The following ODAD2 variants were observed in gnomAD, a reference collection of about 807,000 sequenced individuals.
ODAD2 encodes outer dynein arm docking complex subunit 2.
In ODAD2, 89 loss-of-function variants were observed where a neutral mutation model predicts 106.8. The observed-to-expected ratio is 0.83, with a 90% CI of 0.70 to 0.99. The LOEUF (loss-of-function observed/expected upper bound fraction) is 0.99. ODAD2 is among the 50% of genes least tolerant of loss of function. The pLI is 0.00. For missense variants in ODAD2, 1,168 were observed against 1,238.5 expected (o/e 0.94, Z 0.85); for synonymous variants, 404 against 436.2 (o/e 0.93, Z 0.92).
At chr10:27,829,175 C>T (rs1001477933) in intron 19 of ODAD2, among the ~76,000 whole-genome samples, 8 of 152,010 alleles carry the variant, frequency 5.3e-5, no homozygotes, top group Non-Finnish European at 8.8e-5. Flanking sequence ...TTTGGTTCAG[C>T]GTTCAAAAGC....
chr10:27,866,790 C>A (rs929716530), intron 17 of ODAD2, among the ~76,000 whole-genome samples: 2 of 152,042 alleles, frequency 1.3e-5, no homozygotes, highest in Non-Finnish European at 2.9e-5. Flanking sequence ...TCACTCATTA[C>A]AAAGCTGGCA....
intron 3 of ODAD2, among the ~76,000 whole-genome samples, chr10:27,985,837 T>G (rs1423595552): frequency 1.3e-5 from 2 of 151,286 alleles, no homozygotes; most frequent in African/African-American, 2.4e-5. Context: ...CAAATACCAA[T>G]TCATTATCAA....
intron 16 of ODAD2, among the ~76,000 whole-genome samples, chr10:27,934,017 A>G (rs947315841): frequency 3.3e-5 from 5 of 152,174 alleles, no homozygotes; most frequent in African/African-American, 1.2e-4. Flanking sequence ...TCATGGGGGC[A>G]GGTCTTTCCC....
chr10:27,864,823 G>A (rs1036977400), intron 17 of ODAD2, among the ~76,000 whole-genome samples: 1 of 151,924 alleles, frequency 6.6e-6, no homozygotes, highest in Non-Finnish European at 1.5e-5. Context: ...GCATCCCAAC[G>A]GCGTATCAGG....
At chr10:27,924,023 AAGG>A (rs1012133496) in intron 16 of ODAD2, among the ~76,000 whole-genome samples, 6 of 129,278 alleles carry the variant, frequency 4.6e-5, no homozygotes, top group South Asian at 2.5e-4. Context: ...AGAAAGAAAG[AAGG>A]AAAGAGAAAG....
intron 16 of ODAD2, among the ~76,000 whole-genome samples, chr10:27,927,555 A>T (rs907501238): frequency 6.6e-6 from 1 of 152,180 alleles, no homozygotes; most frequent in Non-Finnish European, 1.5e-5. Flanking sequence ...TAGTGTATTT[A>T]TAAAAACACA....
chr10:27,819,169 G>A (rs576597100), intron 19 of ODAD2, among the ~76,000 whole-genome samples: 1 of 152,244 alleles, frequency 6.6e-6, no homozygotes, highest in East Asian at 1.9e-4. Flanking sequence ...ACCCAAGTCT[G>A]CAGTGTGTGG....
intron 17 of ODAD2, among the ~76,000 whole-genome samples, chr10:27,907,441 T>G (rs1475675634): frequency 6.6e-6 from 1 of 152,196 alleles, no homozygotes; most frequent in African/African-American, 2.4e-5. Flanking sequence ...TCAGCTAGAA[T>G]TTGGCAAGCA....
intron 16 of ODAD2, among the ~76,000 whole-genome samples, chr10:27,926,375 A>T (rs1476659226): frequency 2.0e-5 from 3 of 152,008 alleles, no homozygotes; most frequent in Non-Finnish European, 4.4e-5. Context: ...ACAGCCAATC[A>T]GTCTGAGGAC....
At chr10:27,977,860 T>TA (rs1388339827) in intron 7 of ODAD2, among the ~76,000 whole-genome samples, 1 of 152,192 alleles carries the variant, frequency 6.6e-6, no homozygotes, top group Non-Finnish European at 1.5e-5. Flanking sequence ...TGTCTGTAGT[T>TA]AAAAGACTGA....
At chr10:27,996,168 T>G (rs1850547796) in intron 1 of ODAD2, among the ~76,000 whole-genome samples, 1 of 152,230 alleles carries the variant, frequency 6.6e-6, no homozygotes, top group Non-Finnish European at 1.5e-5. Context: ...TTGTTTCTTT[T>G]CTCTTTTGTA....
chr10:27,814,177 G>A (rs543416874), intron 19 of ODAD2, among the ~76,000 whole-genome samples: 10 of 152,188 alleles, frequency 6.6e-5, no homozygotes, highest in South Asian at 2.1e-4. Flanking sequence ...GGGACCCTCC[G>A]CAAAGCCAGA....
At chr10:27,854,522 G>A (rs1411389281) in intron 19 of ODAD2, among the ~76,000 whole-genome samples, 2 of 152,180 alleles carry the variant, frequency 1.3e-5, no homozygotes, top group Non-Finnish European at 2.9e-5. Context: ...TTGGGAGGAT[G>A]AGGTGGGCAG....
chr10:27,885,526 A>ATATAT (rs1564465100), intron 17 of ODAD2, among the ~76,000 whole-genome samples: 1 of 13,112 alleles, frequency 7.6e-5, no homozygotes, highest in South Asian at 2.1e-3. Flanking sequence ...AAAAAAAAAA[A>ATATAT]AAAAAAAATA....
At chr10:27,955,696 GGTGTGTGTGTGT>G (rs56731384) in intron 10 of ODAD2, among the ~76,000 whole-genome samples, 44,087 of 142,882 alleles carry the variant, frequency 0.31, 7,278 homozygotes, top group Middle Eastern at 0.55. Context: ...AACCAATTAA[GGTGTGTGTGTGT>G]GTGTGTGTGT....
At chr10:27,872,869 A>C (rs866596129) in intron 17 of ODAD2, among the ~76,000 whole-genome samples, 2 of 152,206 alleles carry the variant, frequency 1.3e-5, no homozygotes, top group Non-Finnish European at 2.9e-5. Flanking sequence ...TGCTGGCCTC[A>C]TAAAATGAGT....
chr10:27,989,349 G>C (rs1373677697), intron 2 of ODAD2, among the ~76,000 whole-genome samples: 1 of 152,012 alleles, frequency 6.6e-6, no homozygotes, highest in Non-Finnish European at 1.5e-5. Context: ...AAACATCTGG[G>C]GAATAAATGA....
At chr10:27,835,466 TTCTC>T (rs892865543) in intron 19 of ODAD2, among the ~76,000 whole-genome samples, 3 of 151,878 alleles carry the variant, frequency 2.0e-5, no homozygotes, top group South Asian at 2.1e-4. Flanking sequence ...GGCAGGTGTG[TTCTC>T]TCTCTCTCTG....
intron 17 of ODAD2, among the ~76,000 whole-genome samples, chr10:27,879,053 A>G (rs1287291308): frequency 6.6e-6 from 1 of 152,186 alleles, no homozygotes; most frequent in Admixed American, 6.5e-5. Context: ...TGTTGAGGGT[A>G]GCTTTAACGA....
Sources: allele counts gnomAD v4.1 joint callset (sites outside exome capture counted in the v4.1 genomes callset), GRCh38; gene constraint gnomAD v4.1.1; transcripts MANE v1.5; gene names NCBI Gene and HGNC (gene_info 2026-07-23, HGNC 2026-07-21).